The following CALN1 variants were observed in gnomAD, a reference collection of about 807,000 sequenced individuals.
CALN1 encodes the protein calneuron 1.
Under a neutral mutation model 30.6 loss-of-function variants are expected in CALN1, and 17 were observed. The observed-to-expected ratio is 0.56, with a 90% CI of 0.38 to 0.83. The LOEUF is 0.83. CALN1 is among the 40% of genes least tolerant of loss of function. The pLI, the probability that CALN1 is intolerant of heterozygous loss-of-function variation, is 0.00. For missense variants in CALN1, 291 were observed against 354.9 expected (o/e 0.82, Z 1.45); for synonymous variants, 156 against 131.4 (o/e 1.19, Z -1.28).
At chr7:72,194,030 C>G (rs1235809012) in intron 3 of CALN1, among the ~76,000 whole-genome samples, 1 of 152,080 alleles carries the variant, frequency 6.6e-6, no homozygotes, top group African/African-American at 2.4e-5. Flanking sequence ...ATGGGTGCAC[C>G]AAAATCTCAG....
intron 2 of CALN1, among the ~76,000 whole-genome samples, chr7:72,359,766 G>A (rs1803450560): frequency 6.6e-6 from 1 of 151,844 alleles, no homozygotes; most frequent in Non-Finnish European, 1.5e-5. Context: ...ACAAGGTCAG[G>A]AGTTCAAGAC....
chr7:72,148,174 G>A (rs940058349), intron 3 of CALN1, among the ~76,000 whole-genome samples: 2 of 149,314 alleles, frequency 1.3e-5, no homozygotes, highest in African/African-American at 2.5e-5. Context: ...GATCCACAGT[G>A]TTAGAGATGG....
intron 3 of CALN1, among the ~76,000 whole-genome samples, chr7:72,174,511 G>A (rs754044736): frequency 2.6e-5 from 4 of 152,026 alleles, no homozygotes; most frequent in East Asian, 1.9e-4. Flanking sequence ...AAACACAAAC[G>A]TCCATCAACA....
At chr7:71,989,477 T>C (rs914238838) in intron 5 of CALN1, among the ~76,000 whole-genome samples, 1 of 149,942 alleles carries the variant, frequency 6.7e-6, no homozygotes, top group Admixed American at 6.7e-5. Flanking sequence ...AAGGCCAATA[T>C]CTGGGAGGAA....
At position 71,880,681 on chromosome 7, in the gene CALN1, G is replaced by T. The variant is rs1792510486; in HGVS notation, c.502-70189C>A. Among the ~76,000 whole-genome samples the T allele has an allele frequency of 2.0e-5, 3 of 152,208 alleles. No homozygotes were observed. In the South Asian group the frequency reaches 6.2e-4, roughly 32 times the overall value. ...CTTAAGTTCAAAATGTAGTTCTTAA[G>T]CCCTCTCCCTCTCTAAAAATAGAAA... On this transcript the variant is annotated intron_variant, in intron 5 of 6. Coordinates refer to ENST00000395275, the MANE Select transcript of CALN1 (RefSeq NM_031468.4).
the CALN1 span, among the ~76,000 whole-genome samples, chr7:72,493,395 G>A: frequency 6.6e-6 from 1 of 151,680 alleles, no homozygotes; most frequent in African/African-American, 2.4e-5. Context: ...CTGGAGTGCA[G>A]TGGTGCAATC....
chr7:72,415,490 G>A (rs745799524), upstream of CALN1, among the ~76,000 whole-genome samples: 2 of 152,254 alleles, frequency 1.3e-5, no homozygotes, highest in Non-Finnish European at 2.9e-5. Context: ...GATTTAAAGA[G>A]GAGCTGGAAA....
At chr7:72,166,337 G>A (rs1204632547) in intron 3 of CALN1, among the ~76,000 whole-genome samples, 1 of 152,068 alleles carries the variant, frequency 6.6e-6, no homozygotes, top group Non-Finnish European at 1.5e-5. Flanking sequence ...GAGTATCTGG[G>A]ACTACAAGTA....
intron 3 of CALN1, among the ~76,000 whole-genome samples, chr7:72,230,189 A>G (rs1793987501): frequency 6.6e-6 from 1 of 152,018 alleles, no homozygotes; most frequent in Non-Finnish European, 1.5e-5. Flanking sequence ...ACAGGTTGAT[A>G]GGTGCAGCAA....
chr7:72,229,374 C>T (rs1429783837), intron 3 of CALN1, among the ~76,000 whole-genome samples: 2 of 152,014 alleles, frequency 1.3e-5, no homozygotes, highest in Non-Finnish European at 2.9e-5. Context: ...AATCCCAGCA[C>T]TTGGGAGGCT....
At chr7:72,252,249 C>T (rs998375998) in intron 3 of CALN1, among the ~76,000 whole-genome samples, 2 of 152,098 alleles carry the variant, frequency 1.3e-5, no homozygotes, top group African/African-American at 4.8e-5. Flanking sequence ...TCCTCTTGCA[C>T]TCTACACCTA....
chr7:72,006,132 A>T (rs919295683), intron 5 of CALN1, among the ~76,000 whole-genome samples: 2 of 152,198 alleles, frequency 1.3e-5, no homozygotes, highest in Non-Finnish European at 2.9e-5. Context: ...TCAATAACTT[A>T]AAAAAATCCA....
chr7:72,142,396 G>A (rs556609937), intron 3 of CALN1, among the ~76,000 whole-genome samples: 38 of 152,278 alleles, frequency 2.5e-4, no homozygotes, highest in African/African-American at 6.7e-4. Flanking sequence ...GTCTGAGATC[G>A]AACTACAACG....
intron 3 of CALN1, among the ~76,000 whole-genome samples, chr7:72,248,564 ACT>A (rs1251891123): frequency 1.3e-5 from 2 of 151,536 alleles, no homozygotes; most frequent in Non-Finnish European, 2.9e-5. Flanking sequence ...TGGCTTTCTG[ACT>A]CTGACCCTCC....
chr7:72,121,275 TATA>T (rs35689759), intron 3 of CALN1, among the ~76,000 whole-genome samples: 25,348 of 139,042 alleles, frequency 0.18, 2,454 homozygotes, highest in East Asian at 0.29. Context: ...ATCTATATTA[TATA>T]ATAATATATA....
rs148057794 is a variant in CALN1 at position 72,365,844 on chromosome 7, G to C, written c.119+37407C>G. Among the ~76,000 whole-genome samples, 409 of 152,326 alleles carry C rather than the reference G, an allele frequency of 2.7e-3. 1 individual carries two copies. Among genetic ancestry groups the C allele is most frequent in the Non-Finnish European group, 4.1e-3 (279 of 68,030 alleles). On this transcript the variant is annotated intron_variant, in intron 2 of 6. Coordinates refer to ENST00000395275, the MANE Select transcript of CALN1 (RefSeq NM_031468.4). ...AGTATAGGGAAAATTCAGTGTGAGT[G>C]AGAGTATATGAAAACGTACCCTCTC...
chr7:72,253,430 A>AATT (rs1215874654), intron 3 of CALN1, among the ~76,000 whole-genome samples: 1 of 152,226 alleles, frequency 6.6e-6, no homozygotes, highest in African/African-American at 2.4e-5. Context: ...GAGACTGGGT[A>AATT]ATTTATAAAG....
chr7:72,479,530 G>GTTTTAC, the CALN1 span, among the ~76,000 whole-genome samples: 57 of 150,264 alleles, frequency 3.8e-4, no homozygotes, highest in Non-Finnish European at 5.9e-5. Context: ...TTTACATATG[G>GTTTTAC]ATATTCAGTT....
chr7:72,457,612 C>T, the CALN1 span, among the ~76,000 whole-genome samples: 1 of 152,154 alleles, frequency 6.6e-6, no homozygotes. Flanking sequence ...CCCTCTTCCT[C>T]CTCCTTCTCC....
Sources: allele counts gnomAD v4.1 joint callset (sites outside exome capture counted in the v4.1 genomes callset), GRCh38; gene constraint gnomAD v4.1.1; transcripts MANE v1.5; gene names NCBI Gene and HGNC (gene_info 2026-07-23, HGNC 2026-07-21).